Variants in RAI14 observed in about 807,000 individuals in gnomAD.
RAI14 encodes the protein ankycorbin.
A neutral mutation model predicts 115.4 loss-of-function variants in RAI14; 45 were observed. That is an observed-to-expected ratio of 0.39 (90% CI 0.31 to 0.50). The LOEUF is 0.50. RAI14 is among the 20% of genes least tolerant of loss of function. The probability of loss-of-function intolerance (pLI) is 0.85; values close to 1 mark genes in which losing one functional copy is unlikely to be tolerated. For synonymous variants in RAI14, 371 were observed against 415.4 expected, an observed-to-expected ratio of 0.89 and a Z score of 1.30; for missense variants, 939 against 1,131.2, an observed-to-expected ratio of 0.83 and a Z score of 2.44.
At chr5:34,737,886 A>G (rs527985746) in intron 2 of RAI14, among the ~76,000 whole-genome samples, 1 of 152,354 alleles carries the variant, frequency 6.6e-6, no homozygotes, top group East Asian at 1.9e-4. Context: ...GAGCAGTGTC[A>G]TGGACATATT....
At chr5:34,825,941 C>T (rs1429245115) in intron 15 of RAI14, 4 of 154,260 alleles carry the variant, frequency 2.6e-5, no homozygotes, top group Non-Finnish European at 5.7e-5. Context: ...CCTGATCACC[C>T]ATGTCAGCAG....
intron 3 of RAI14, among the ~76,000 whole-genome samples, chr5:34,785,048 C>T (rs1752132509): frequency 6.6e-6 from 1 of 152,136 alleles, no homozygotes; most frequent in African/African-American, 2.4e-5. Context: ...TCTCCATTTA[C>T]CTTATTGTTT....
intron 3 of RAI14, among the ~76,000 whole-genome samples, chr5:34,778,232 A>T (rs1358780905): frequency 6.6e-6 from 1 of 152,210 alleles, no homozygotes; most frequent in Non-Finnish European, 1.5e-5. Flanking sequence ...TCAAACTTGG[A>T]TGTGTACATG....
chr5:34,815,540 G>A (rs981899887), intron 12 of RAI14, among the ~76,000 whole-genome samples: 9 of 152,334 alleles, frequency 5.9e-5, no homozygotes, highest in African/African-American at 2.2e-4. Context: ...TCCAGCATGG[G>A]CGACAGAGCG....
At chr5:34,701,287 A>G (rs1349216460) in intron 2 of RAI14, among the ~76,000 whole-genome samples, 1 of 152,212 alleles carries the variant, frequency 6.6e-6, no homozygotes, top group Admixed American at 6.5e-5. Context: ...TTTATTTGCC[A>G]TATTTTGAAA....
intron 2 of RAI14, among the ~76,000 whole-genome samples, chr5:34,723,062 T>G (rs887648499): frequency 2.8e-5 from 4 of 143,778 alleles, no homozygotes; most frequent in Non-Finnish European, 4.5e-5. Flanking sequence ...ATTGCACCAC[T>G]GCACTCCAGC....
At chr5:34,826,564 G>A (rs767385769) in intron 16 of RAI14, 85 bp downstream of exon 16, 63 of 1,484,606 alleles carry the variant, frequency 4.2e-5, no homozygotes, top group South Asian at 5.4e-5. Context: ...GCAAGTGGGC[G>A]TGAACAAAAA....
intron 2 of RAI14, among the ~76,000 whole-genome samples, chr5:34,691,499 G>A (rs55747551): frequency 0.46 from 69,269 of 151,904 alleles, 17,804 homozygotes; most frequent in South Asian, 0.64. Flanking sequence ...ATGAGCTGTC[G>A]TCATGAAAAA....
intron 3 of RAI14, among the ~76,000 whole-genome samples, chr5:34,759,809 G>A (rs1748386373): frequency 6.6e-6 from 1 of 152,168 alleles, no homozygotes. Flanking sequence ...ACTAGTCCCT[G>A]GTACCAAAAA....
At chr5:34,685,805 C>T (rs969692847) in intron 1 of RAI14, 2 of 152,136 alleles carry the variant, frequency 1.3e-5, no homozygotes, top group African/African-American at 4.8e-5. Flanking sequence ...AACCTTCCTC[C>T]CTGAAAAATG....
intron 3 of RAI14, among the ~76,000 whole-genome samples, chr5:34,792,272 C>T (rs1454849440): frequency 6.4e-5 from 8 of 124,300 alleles, no homozygotes; most frequent in Non-Finnish European, 9.5e-5. Context: ...CTCTCTCTGT[C>T]GCCCAGGCTG....
At chr5:34,784,922 A>G (rs1468880760) in intron 3 of RAI14, among the ~76,000 whole-genome samples, 1 of 152,236 alleles carries the variant, frequency 6.6e-6, no homozygotes, top group Non-Finnish European at 1.5e-5. Context: ...AAAGTCATTT[A>G]ATGTTTTCAA....
chr5:34,808,806 G>T (rs1755228001), intron 7 of RAI14, 152 bp downstream of exon 7: 4 of 718,138 alleles, frequency 5.6e-6, no homozygotes, highest in Non-Finnish European at 9.3e-6. Context: ...TTCCATGGAT[G>T]GGGGTGGGGA....
At chr5:34,803,654 AT>A (rs981293293) in intron 4 of RAI14, 57 bp from the exon 5 acceptor site, 9 of 1,394,816 alleles carry the variant, frequency 6.5e-6, no homozygotes, top group South Asian at 1.3e-5. Flanking sequence ...TAAGAAAGAG[AT>A]TTTTTTTAAA....
chr5:34,666,895 A>G (rs1162759553), intron 1 of RAI14, among the ~76,000 whole-genome samples: 1 of 152,216 alleles, frequency 6.6e-6, no homozygotes, highest in Non-Finnish European at 1.5e-5. Flanking sequence ...ATGAATGACA[A>G]GCCCTGCCCT....
At chr5:34,742,659 T>C (rs1243640208) in intron 2 of RAI14, among the ~76,000 whole-genome samples, 1 of 152,116 alleles carries the variant, frequency 6.6e-6, no homozygotes, top group Admixed American at 6.5e-5. Context: ...TTGTTTTTTT[T>C]GTTTTGTTTT....
chr5:34,823,243 A>G lies in RAI14; in HGVS notation c.1401A>G (p.Val467=), dbSNP rs777133136. The G allele has an allele frequency of 2.5e-6, 4 of 1,613,994 alleles. No individual in the cohort carries two copies. The African/African-American group carries it at 5.3e-5, about 22-fold the overall frequency. The change falls in exon 15 of 18, where the codon GTA becomes GTG. Residue 467 remains valine (V), a synonymous_variant. Transcript: ENST00000265109. The surrounding 1 kb of genome is among the most constrained non-coding windows in gnomAD (Gnocchi z 4.5). Reference sequence around the variant, plus strand: ...TCCAATCCCGAAGGGCAGAACTGGTATGCTTAAACAACACTGAGATTTCAG... The same window carrying G: ...TCCAATCCCGAAGGGCAGAACTGGTGTGCTTAAACAACACTGAGATTTCAG... ...VELQSRRAEL[V]CLNNTEISEN...
intron 2 of RAI14, among the ~76,000 whole-genome samples, chr5:34,702,092 G>T (rs1740146255): frequency 6.6e-6 from 1 of 152,066 alleles, no homozygotes; most frequent in Non-Finnish European, 1.5e-5. Context: ...GGGATTACAG[G>T]CCTGAACCAC....
intron 2 of RAI14, among the ~76,000 whole-genome samples, chr5:34,707,044 G>A (rs375441288): frequency 6.6e-6 from 1 of 152,216 alleles, no homozygotes; most frequent in African/African-American, 2.4e-5. Flanking sequence ...CTTTCAGATA[G>A]CATCAAAACT....
Sources: gnomAD v4.1 joint callset for allele counts (sites outside exome capture counted in the v4.1 genomes callset) on GRCh38, gnomAD v4.1.1 for gene constraint, Gnocchi (gnomAD v3.1) non-coding constraint, MANE v1.5 for transcripts, NCBI Gene and HGNC (gene_info 2026-07-23, HGNC 2026-07-21) for gene names.